Variants in AAK1 observed in about 807,000 individuals in gnomAD.
AAK1 encodes the protein AP2-associated protein kinase 1.
A neutral mutation model predicts 116.0 loss-of-function variants in AAK1; 37 were observed. The observed-to-expected ratio is 0.32, with a 90% CI of 0.25 to 0.42. The LOEUF is 0.42. Ranked by LOEUF, AAK1 falls within the 10% of genes least tolerant of loss-of-function variation. The probability of loss-of-function intolerance (pLI) is 1.00; values close to 1 mark genes in which losing one functional copy is unlikely to be tolerated. For missense variants in AAK1, 919 were observed against 1,170.6 expected (o/e 0.79, Z 3.14); for synonymous variants, 458 against 439.9 (o/e 1.04, Z -0.51).
rs1478368325 is a variant in AAK1 at position 69,470,832 on chromosome 2, G to A, written c.*5037C>T. The A allele has an allele frequency of 3.0e-6, 3 of 985,672 alleles. No homozygotes were observed. Among genetic ancestry groups the A allele is most frequent in the Middle Eastern group, 5.2e-4 (1 of 1,936 alleles). 61.1% of individuals were successfully genotyped at this position (985,672 alleles called of 1,614,324 possible). On this transcript the variant is annotated 3_prime_UTR_variant, in exon 22 of 22. Coordinates refer to ENST00000409085, the MANE Select transcript of AAK1 (RefSeq NM_014911.5). ...GGTACTTATTGTCACTCAATACTGT[G>A]ATTAAATCCTTTCTGCAAAAAAGTG...
At chr2:69,599,212 C>T (rs894779448) in intron 2 of AAK1, among the ~76,000 whole-genome samples, 2 of 152,088 alleles carry the variant, frequency 1.3e-5, no homozygotes, top group African/African-American at 4.8e-5. Context: ...TAAGACCAAA[C>T]AATTCGAACA....
chr2:69,613,240 T>C (rs1410619440), intron 2 of AAK1, among the ~76,000 whole-genome samples: 2 of 152,158 alleles, frequency 1.3e-5, no homozygotes, highest in Non-Finnish European at 2.9e-5. Flanking sequence ...TACAGCACCA[T>C]GATGCAATAA....
rs1676313119 is a variant in AAK1, at chr2:69,509,553, A to C, written c.1777-93T>G. The stretch of plus-strand genomic sequence containing the variant: ...ATAAGTGTAACAACAACAACAAAAA[A>C]TGCCACATAAGCACTAACATGAAAC... On this transcript the variant is annotated intron_variant, in intron 13 of 21. Transcript: ENST00000409085. 4 of 1,072,846 alleles carry C rather than the reference A, an allele frequency of 3.7e-6. No homozygotes were observed. In the South Asian group the frequency reaches 5.0e-5, roughly 13 times the overall value. The allele number at this position is 1,072,846 out of a possible 1,614,324, so 66.5% of individuals were successfully genotyped here. A position where few individuals can be genotyped will look rare whatever the true frequency, so the allele number is the denominator to read the frequency against.
chr2:69,580,553 A>G (rs1397183951), intron 2 of AAK1, among the ~76,000 whole-genome samples: 1 of 152,208 alleles, frequency 6.6e-6, no homozygotes, highest in Non-Finnish European at 1.5e-5. Context: ...GAGATGAGAG[A>G]GAGAGAAACA....
At chr2:69,643,419 G>C (rs932737203) in intron 1 of AAK1, 145 bp from the exon 2 acceptor site, 2 of 1,174,838 alleles carry the variant, frequency 1.7e-6, no homozygotes, top group Non-Finnish European at 1.1e-6. Flanking sequence ...GGCTGAAAAC[G>C]CGACCCCGGC....
At chr2:69,546,191 G>A (rs1247262209) in intron 3 of AAK1, among the ~76,000 whole-genome samples, 3 of 152,182 alleles carry the variant, frequency 2.0e-5, no homozygotes, top group East Asian at 3.9e-4. Flanking sequence ...AAATGAGTTC[G>A]TATCTGTTGT....
At chr2:69,482,970 G>A (rs892543336) in intron 17 of AAK1, among the ~76,000 whole-genome samples, 158 bp from the exon 18 acceptor site, 1 of 152,106 alleles carries the variant, frequency 6.6e-6, no homozygotes, top group Non-Finnish European at 1.5e-5. Context: ...TTAACAACAG[G>A]TTTTCAAAAT....
chr2:69,492,365 C>T (rs755482102), intron 17 of AAK1, among the ~76,000 whole-genome samples: 1 of 151,862 alleles, frequency 6.6e-6, no homozygotes, highest in Non-Finnish European at 1.5e-5. Context: ...AGGCGCCCAC[C>T]ACCATGCCCA....
rs1365036096 is a variant in AAK1 at position 69,471,005 on chromosome 2, G to A, written c.*4864C>T. On this transcript the variant is annotated 3_prime_UTR_variant, in exon 22 of 22. Transcript: ENST00000409085. ...AGACTTTTTTTTATACAATACTTGT[G>A]CAGCAATGTTCAAATTTCACGTTTT... The A allele has an allele frequency of 3.0e-6, 3 of 985,478 alleles. No individual in the cohort carries two copies. The highest frequency in any genetic ancestry group is 3.5e-5 in the African/African-American group (2 of 57,166). 61.0% of individuals were successfully genotyped at this position (985,478 alleles called of 1,614,324 possible). A position where few individuals can be genotyped will look rare whatever the true frequency, so the allele number is the denominator to read the frequency against.
intron 3 of AAK1, among the ~76,000 whole-genome samples, chr2:69,545,570 G>C (rs1251556243): frequency 2.0e-5 from 3 of 152,168 alleles, no homozygotes; most frequent in Non-Finnish European, 4.4e-5. Context: ...ATTAGATTCA[G>C]CTGTTTACAG....
chr2:69,528,229 G>C (rs938857210), intron 8 of AAK1, among the ~76,000 whole-genome samples: 1 of 152,194 alleles, frequency 6.6e-6, no homozygotes, highest in African/African-American at 2.4e-5. Flanking sequence ...AGTCTGAGTG[G>C]GTGGAATGCA....
intron 3 of AAK1, among the ~76,000 whole-genome samples, chr2:69,548,963 C>T: frequency 6.6e-6 from 1 of 152,142 alleles, no homozygotes; most frequent in East Asian, 1.9e-4. Flanking sequence ...CTACAGACAG[C>T]CCTCACCCGT....
At chr2:69,613,100 T>C (rs1338627721) in intron 2 of AAK1, among the ~76,000 whole-genome samples, 4 of 152,162 alleles carry the variant, frequency 2.6e-5, no homozygotes, top group African/African-American at 7.2e-5. Flanking sequence ...ACAGGCATCT[T>C]GTCAAGGAAG....
chr2:69,490,836 CAATTT>C (rs1340788286), intron 17 of AAK1, among the ~76,000 whole-genome samples: 1 of 151,920 alleles, frequency 6.6e-6, no homozygotes, highest in Non-Finnish European at 1.5e-5. Context: ...CATTTTACTA[CAATTT>C]AAAAGAATGA....
chr2:69,487,412 G>C (rs1675338693), intron 17 of AAK1, among the ~76,000 whole-genome samples: 1 of 152,202 alleles, frequency 6.6e-6, no homozygotes, highest in Non-Finnish European at 1.5e-5. Flanking sequence ...ACAGAGAAGA[G>C]AGTGGTGAAT....
intron 12 of AAK1, among the ~76,000 whole-genome samples, chr2:69,518,537 G>C (rs1315694165): frequency 6.6e-6 from 1 of 151,402 alleles, no homozygotes; most frequent in Non-Finnish European, 1.5e-5. Context: ...TTCTGCCTCA[G>C]CTTCCCAAGT....
At chr2:69,643,530 G>A in intron 1 of AAK1, 45 bp downstream of exon 1, 1 of 1,226,584 alleles carries the variant, frequency 8.2e-7, no homozygotes, top group African/African-American at 1.6e-5. Flanking sequence ...CGCTCCTCCC[G>A]GGTCTCCCCG....
chr2:69,481,353 G>A (rs1675081192), intron 18 of AAK1: 1 of 153,956 alleles, frequency 6.5e-6, no homozygotes, highest in African/African-American at 2.4e-5. Context: ...AAGCCGCTCA[G>A]CAAACCTCTT....
At chr2:69,611,044 T>G (rs564856846) in intron 2 of AAK1, among the ~76,000 whole-genome samples, 1 of 152,106 alleles carries the variant, frequency 6.6e-6, no homozygotes, top group Admixed American at 6.5e-5. Flanking sequence ...TGGCTAATAT[T>G]AGGTGTCAAT....
Sources: allele counts gnomAD v4.1 joint callset (sites outside exome capture counted in the v4.1 genomes callset), GRCh38; gene constraint gnomAD v4.1.1; transcripts MANE v1.5; gene names NCBI Gene and HGNC (gene_info 2026-07-23, HGNC 2026-07-21).